Variants in KCNMA1 observed in about 807,000 individuals in gnomAD.
KCNMA1 encodes the protein Calcium-activated potassium channel subunit alpha-1.
Under a neutral mutation model 140.0 loss-of-function variants are expected in KCNMA1, and 29 were observed. The ratio of observed to expected loss-of-function variants is 0.21; its 90% CI spans 0.15 to 0.28. KCNMA1 has a LOEUF of 0.28. KCNMA1 is among the 10% of genes least tolerant of loss of function. KCNMA1 has a pLI of 1.00. For missense variants in KCNMA1, 880 were observed against 1,602.2 expected, an observed-to-expected ratio of 0.55 and a Z score of 7.70; for synonymous variants, 612 against 611.9, an observed-to-expected ratio of 1.00 and a Z score of 0.00.
intron 6 of KCNMA1, among the ~76,000 whole-genome samples, chr10:77,118,417 AT>A (rs1388334212): frequency 6.6e-6 from 1 of 152,180 alleles, no homozygotes; most frequent in African/African-American, 2.4e-5. Flanking sequence ...AAGCTTCTAG[AT>A]TTCTTACAAT....
rs184554668 is a variant in KCNMA1, at chr10:77,508,201, G to A, written c.379-104178C>T. Among the ~76,000 whole-genome samples, 10 of 152,094 alleles carry A rather than the reference G, an allele frequency of 6.6e-5. No individual in the cohort carries two copies. The South Asian group carries it at 8.3e-4, about 13-fold the overall frequency. ...TTTATTTGATTTTATTTTGAGACAGGGTATCACTGTATCACCCAGCCGGCA... is the reference window on the plus strand; with the variant it reads ...TTTATTTGATTTTATTTTGAGACAGAGTATCACTGTATCACCCAGCCGGCA... On this transcript the variant is annotated intron_variant, in intron 1 of 27. Transcript: ENST00000286628.
At chr10:76,921,499 C>T (rs2055768083) in intron 23 of KCNMA1, among the ~76,000 whole-genome samples, 1 of 152,128 alleles carries the variant, frequency 6.6e-6, no homozygotes, top group Admixed American at 6.5e-5. Context: ...CATAAATTAT[C>T]CAAATTTCCC....
chr10:77,140,524 G>A (rs1031495160), intron 5 of KCNMA1: 3 of 152,666 alleles, frequency 2.0e-5, no homozygotes, highest in African/African-American at 7.2e-5. Flanking sequence ...AGGGAGATGG[G>A]CTAGGCTTTC....
intron 1 of KCNMA1, among the ~76,000 whole-genome samples, chr10:77,594,175 C>T (rs1202769123): frequency 6.6e-6 from 1 of 152,208 alleles, no homozygotes. Flanking sequence ...GGCAGCTCCC[C>T]CAGAGGTGCC....
At chr10:77,367,924 T>C (rs2094463609) in intron 2 of KCNMA1, among the ~76,000 whole-genome samples, 1 of 152,250 alleles carries the variant, frequency 6.6e-6, no homozygotes, top group South Asian at 2.1e-4. Flanking sequence ...GGTAAGGATG[T>C]ATCACAGTTG....
At chr10:77,507,567 G>A (rs1660302150) in intron 1 of KCNMA1, among the ~76,000 whole-genome samples, 1 of 152,220 alleles carries the variant, frequency 6.6e-6, no homozygotes, top group Non-Finnish European at 1.5e-5. Flanking sequence ...TGGCCAGAGT[G>A]CCAATCAGCC....
At chr10:77,167,662 G>A (rs564155417) in intron 5 of KCNMA1, among the ~76,000 whole-genome samples, 3 of 151,790 alleles carry the variant, frequency 2.0e-5, no homozygotes, top group Non-Finnish European at 4.4e-5. Context: ...AAATTGAAAG[G>A]CACGCTCATT....
intron 1 of KCNMA1, among the ~76,000 whole-genome samples, chr10:77,599,707 CA>C (rs1211244393): frequency 3.9e-5 from 6 of 152,178 alleles, no homozygotes; most frequent in African/African-American, 1.4e-4. Context: ...TTAGAGAGAT[CA>C]TTACATGATT....
chr10:77,295,808 A>AAAAAAAAAAC (rs1565799047), intron 2 of KCNMA1, among the ~76,000 whole-genome samples: 1 of 150,512 alleles, frequency 6.6e-6, no homozygotes, highest in Non-Finnish European at 1.5e-5. Flanking sequence ...AAAAAAAAAA[A>AAAAAAAAAAC]AAAAAAAAAC....
At chr10:77,120,353 G>A (rs1163209587) in intron 6 of KCNMA1, among the ~76,000 whole-genome samples, 1 of 152,110 alleles carries the variant, frequency 6.6e-6, no homozygotes, top group African/African-American at 2.4e-5. Flanking sequence ...AGATCATAAC[G>A]CAGTTAACAG....
Position 77,445,941 on chromosome 10 carries a change from C to T in KCNMA1, c.379-41918G>A, listed in dbSNP as rs182584683. ...CAGGGACTCAAGGTATGGCCCTTTT[C>T]GGCCAAAAGGCAGTGTGGGCTGGAG... On this transcript the variant is annotated intron_variant, in intron 1 of 27. Coordinates refer to ENST00000286628, the MANE Select transcript of KCNMA1 (RefSeq NM_001161352.2). 1.2e-4 allele frequency among the ~76,000 whole-genome samples: 18 copies of T among 152,248 alleles called. No homozygotes were observed. The East Asian group carries it at 3.5e-3, about 29-fold the overall frequency.
chr10:77,199,683 GA>G (rs1598530629), intron 3 of KCNMA1, among the ~76,000 whole-genome samples: 1 of 152,278 alleles, frequency 6.6e-6, no homozygotes, highest in East Asian at 1.9e-4. Flanking sequence ...AGTAGGCCTT[GA>G]GTGAGGATTA....
In KCNMA1 at chr10:77,616,663, G is replaced by A. The variant is rs12250773; in HGVS notation, c.378+20602C>T. 9.6e-3 allele frequency among the ~76,000 whole-genome samples: 1,454 copies of A among 152,112 alleles called. 28 individuals carry two copies. The highest frequency in any genetic ancestry group is 0.033 in the African/African-American group (1,358 of 41,484). On this transcript the variant is annotated intron_variant, in intron 1 of 27. Coordinates refer to ENST00000286628, the MANE Select transcript of KCNMA1 (RefSeq NM_001161352.2). ...TCTACTAAAAATACAGAAATTAGCC[G>A]GACATGGTGGTGCGCACCTGTAATC...
chr10:77,213,972 C>T (rs904598793), intron 3 of KCNMA1, among the ~76,000 whole-genome samples: 1 of 152,082 alleles, frequency 6.6e-6, no homozygotes. Context: ...CTGCTCCCTG[C>T]CTTGCCTTGC....
intron 4 of KCNMA1, 141 bp from the exon 5 acceptor site, chr10:77,183,673 G>C: frequency 1.5e-6 from 1 of 689,248 alleles, no homozygotes; most frequent in Non-Finnish European, 2.6e-6. Flanking sequence ...TTTTAGTAAA[G>C]ATGGGATTTC....
chr10:77,387,550 C>CTTTT (rs771555989), intron 2 of KCNMA1, among the ~76,000 whole-genome samples: 4 of 138,686 alleles, frequency 2.9e-5, no homozygotes, highest in Non-Finnish European at 6.3e-5. Context: ...CTTTTCTTTT[C>CTTTT]TTTTCTTTTT....
rs1554921803 is a variant in KCNMA1, at chr10:76,920,020, G to GTATATGTATATATATATATATA, written c.2903-4972_2903-4971insTATATATATATATATACATATA. On this transcript the variant is annotated intron_variant, in intron 23 of 27. Coordinates refer to ENST00000286628, the MANE Select transcript of KCNMA1 (RefSeq NM_001161352.2). ...TGTGTGTGTGTGTGTGTGTGTGTGTGTATATATATATATATATATATATAT... is the reference window on the plus strand; with the variant it reads ...TGTGTGTGTGTGTGTGTGTGTGTGTGTATATGTATATATATATATATATATATATATATATATATATATATAT... Among the ~76,000 whole-genome samples, 34 of 34,434 alleles carry GTATATGTATATATATATATATA rather than the reference G, an allele frequency of 9.9e-4. 2 individuals carry two copies. Among genetic ancestry groups the GTATATGTATATATATATATATA allele is most frequent in the Non-Finnish European group, 1.3e-3 (25 of 18,690 alleles). 22.6% of individuals were successfully genotyped at this position (34,434 alleles called of 152,430 possible).
chr10:77,043,753 G>A (rs970669050), intron 14 of KCNMA1, among the ~76,000 whole-genome samples: 6 of 152,144 alleles, frequency 3.9e-5, no homozygotes, highest in Non-Finnish European at 4.4e-5. Flanking sequence ...AAGGACAACC[G>A]TGTTATGATT....
At chr10:77,584,415 C>T (rs528749878) in intron 1 of KCNMA1, among the ~76,000 whole-genome samples, 15 of 152,162 alleles carry the variant, frequency 9.9e-5, no homozygotes, top group Non-Finnish European at 1.3e-4. Flanking sequence ...AGTGCACTGG[C>T]GCAATCTCGG....
Sources: gnomAD v4.1 joint callset for allele counts (sites outside exome capture counted in the v4.1 genomes callset) on GRCh38, gnomAD v4.1.1 for gene constraint, MANE v1.5 for transcripts, NCBI Gene and HGNC (gene_info 2026-07-23, HGNC 2026-07-21) for gene names.